MAP2K1: variants seen among roughly 807,000 people sequenced by gnomAD.
MAP2K1 encodes the protein mitogen-activated protein kinase kinase 1.
Under a neutral mutation model 46.3 loss-of-function variants are expected in MAP2K1, and 16 were observed. That is an observed-to-expected ratio of 0.35 (90% confidence interval 0.23 to 0.52). MAP2K1 has a LOEUF of 0.52. MAP2K1 is among the 20% of genes least tolerant of loss of function. MAP2K1 has a pLI of 0.94. For synonymous variants in MAP2K1, 183 were observed against 185.6 expected (o/e 0.99, Z 0.11); for missense variants, 263 against 497.1 (o/e 0.53, Z 4.48).
intron 5 of MAP2K1, among the ~76,000 whole-genome samples, chr15:66,475,341 C>A (rs1892730600): frequency 6.6e-6 from 1 of 152,144 alleles, no homozygotes; most frequent in Admixed American, 6.6e-5. Context: ...AAAAAATCTT[C>A]ATTTGCCTTT....
intron 3 of MAP2K1, among the ~76,000 whole-genome samples, chr15:66,439,166 C>A (rs908713938): frequency 6.6e-6 from 1 of 152,198 alleles, no homozygotes; most frequent in Non-Finnish European, 1.5e-5. Flanking sequence ...GCTGCTGCTT[C>A]CCTTGGACCT....
At chr15:66,476,791 G>C (rs941374876) in intron 5 of MAP2K1, among the ~76,000 whole-genome samples, 7 of 152,196 alleles carry the variant, frequency 4.6e-5, no homozygotes, top group Admixed American at 1.3e-4. Context: ...GCTGGAGACA[G>C]GAACAGTGTG....
At chr15:66,426,506 A>G (rs1014012893) in intron 1 of MAP2K1, among the ~76,000 whole-genome samples, 3 of 152,210 alleles carry the variant, frequency 2.0e-5, no homozygotes, top group African/African-American at 4.8e-5. Context: ...TCAGTAGAGT[A>G]GGCACTGGCA....
intron 1 of MAP2K1, among the ~76,000 whole-genome samples, chr15:66,425,264 CT>C (rs1273630944): frequency 6.6e-6 from 1 of 152,204 alleles, no homozygotes; most frequent in Non-Finnish European, 1.5e-5. Context: ...TAGACTTTTG[CT>C]TTCTGTTGGT....
At chr15:66,453,892 A>T (rs528312193) in intron 5 of MAP2K1, among the ~76,000 whole-genome samples, 1 of 152,216 alleles carries the variant, frequency 6.6e-6, no homozygotes, top group South Asian at 2.1e-4. Flanking sequence ...TTGGCCTCCT[A>T]GGCTAAAGCG....
At chr15:66,473,226 C>T (rs1013195339) in intron 5 of MAP2K1, among the ~76,000 whole-genome samples, 2 of 152,186 alleles carry the variant, frequency 1.3e-5, no homozygotes, top group Non-Finnish European at 2.9e-5. Context: ...CCAGCCTCAA[C>T]TTCCATATCT....
chr15:66,467,329 A>G (rs1424215910), intron 5 of MAP2K1, among the ~76,000 whole-genome samples: 1 of 152,170 alleles, frequency 6.6e-6, no homozygotes, highest in Non-Finnish European at 1.5e-5. Flanking sequence ...TCTAATCTCC[A>G]AGCTGTCCTT....
chr15:66,429,149 C>T (rs1298062872), intron 1 of MAP2K1, among the ~76,000 whole-genome samples: 1 of 152,034 alleles, frequency 6.6e-6, no homozygotes, highest in Non-Finnish European at 1.5e-5. Context: ...AAGAACTGCA[C>T]AAGACTGGGT....
At chr15:66,483,262 A>G (rs1299928087) in intron 6 of MAP2K1, among the ~76,000 whole-genome samples, 1 of 152,124 alleles carries the variant, frequency 6.6e-6, no homozygotes, top group Non-Finnish European at 1.5e-5. Flanking sequence ...GACTCCAGCC[A>G]CTGTCAACAT....
In MAP2K1 at chr15:66,490,792, CTTA is replaced by C. The variant is rs916689128; in HGVS notation, c.*181_*183del. 1.0e-5 allele frequency: 7 copies of C among 689,786 alleles called. No individual in the cohort carries two copies. The African/African-American group carries it at 1.2e-4, about 12-fold the overall frequency. The allele number at this position is 689,786 out of a possible 1,614,324, so 42.7% of individuals were successfully genotyped here. A position where few individuals can be genotyped will look rare whatever the true frequency, so the allele number is the denominator to read the frequency against. ...CATTTTTAATATTACTGTCTTTATT[CTTA>C]TTACTATTATTGTTCCCCTAAGTGG... On this transcript the variant is annotated 3_prime_UTR_variant, in exon 11 of 11. Coordinates refer to ENST00000307102, the MANE Select transcript of MAP2K1 (RefSeq NM_002755.4).
intron 1 of MAP2K1, among the ~76,000 whole-genome samples, chr15:66,405,603 G>A (rs80354479): frequency 0.012 from 1,893 of 152,276 alleles, 27 homozygotes; most frequent in South Asian, 0.042. Context: ...CTGGTTGCCT[G>A]TTAGATTTTC....
intron 9 of MAP2K1, 165 bp downstream of exon 9, chr15:66,489,441 G>A: frequency 1.4e-6 from 1 of 723,762 alleles, no homozygotes; most frequent in Non-Finnish European, 2.5e-6. Context: ...AGAGTGCCAA[G>A]ACTTATGTGG....
At chr15:66,490,395 A>G in intron 10 of MAP2K1, 107 bp from the exon 11 acceptor site, 1 of 858,974 alleles carries the variant, frequency 1.2e-6, no homozygotes, top group Non-Finnish European at 2.0e-6. Context: ...TGCTCTTTCC[A>G]AGTGCAGCAC....
rs939271011 is a variant in MAP2K1 at position 66,387,097 on chromosome 15, C to G, written c.-251C>G. Reference sequence around the variant, plus strand: ...GCCGAACCGCACGTTCAGCCCGCTCCGCTCCTGCAGGGCAGCCTTTCGGCT... The same window carrying G: ...GCCGAACCGCACGTTCAGCCCGCTCGGCTCCTGCAGGGCAGCCTTTCGGCT... On this transcript the variant is annotated 5_prime_UTR_variant, in exon 1 of 11. Coordinates refer to ENST00000307102, the MANE Select transcript of MAP2K1 (RefSeq NM_002755.4). 4.8e-6 allele frequency: 2 copies of G among 418,566 alleles called. No homozygotes were observed. Among genetic ancestry groups the G allele is most frequent in the Admixed American group, 9.1e-5 (2 of 21,860 alleles). 25.9% of individuals were successfully genotyped at this position (418,566 alleles called of 1,614,324 possible).
chr15:66,399,053 G>A (rs749715618), intron 1 of MAP2K1, among the ~76,000 whole-genome samples: 16 of 152,196 alleles, frequency 1.1e-4, no homozygotes, highest in Non-Finnish European at 1.9e-4. Context: ...GATTACAGGC[G>A]TGAGCCACCG....
At position 66,459,833 on chromosome 15, in the gene MAP2K1, CTGTT is replaced by C. The variant is rs559104206; in HGVS notation, c.568+15130_568+15133del. Among the ~76,000 whole-genome samples the C allele has an allele frequency of 4.5e-3, 682 of 152,170 alleles. 8 individuals are homozygous for C. Among genetic ancestry groups the C allele is most frequent in the African/African-American group, 0.016 (653 of 41,520 alleles). On this transcript the variant is annotated intron_variant, in intron 5 of 10. Coordinates refer to ENST00000307102, the MANE Select transcript of MAP2K1 (RefSeq NM_002755.4). ...TGGTTTTGTTTTGTTGTTTTATAAGCTGTTTGTAGCAGACTCACACGTAATGATT... is the reference window on the plus strand; with the variant it reads ...TGGTTTTGTTTTGTTGTTTTATAAGCTGTAGCAGACTCACACGTAATGATT...
In MAP2K1 at chr15:66,399,796, C is replaced by G. The variant is rs558791360; in HGVS notation, c.80+12369C>G. Among the ~76,000 whole-genome samples, 27 of 152,272 alleles carry G rather than the reference C, an allele frequency of 1.8e-4. No individual in the cohort carries two copies. The East Asian group carries it at 5.0e-3, about 28-fold the overall frequency. ...ATTTTTAGTAGAGATGGGGTTTCAC[C>G]TTGTTGGCCAGGCTGGTCTGGAACT... is the stretch of plus-strand genomic sequence containing the variant. On this transcript the variant is annotated intron_variant, in intron 1 of 10. Coordinates refer to ENST00000307102, the MANE Select transcript of MAP2K1 (RefSeq NM_002755.4).
At position 66,420,817 on chromosome 15, in the gene MAP2K1, GTATA is replaced by G. The variant is rs1221728903; in HGVS notation, c.81-14202_81-14199del. 1.5e-4 allele frequency among the ~76,000 whole-genome samples: 14 copies of G among 94,694 alleles called. 4 individuals carry two copies. Among genetic ancestry groups the G allele is most frequent in the Non-Finnish European group, 2.6e-4 (11 of 42,976 alleles). 62.1% of individuals were successfully genotyped at this position (94,694 alleles called of 152,430 possible). A position where few individuals can be genotyped will look rare whatever the true frequency, so the allele number is the denominator to read the frequency against. On this transcript the variant is annotated intron_variant, in intron 1 of 10. Coordinates refer to ENST00000307102, the MANE Select transcript of MAP2K1 (RefSeq NM_002755.4). ...TGTATATATATGTGTATATATATGT[GTATA>G]TATATATGTGTATATATATGTGTGT...
At chr15:66,401,679 A>G (rs771943500) in intron 1 of MAP2K1, among the ~76,000 whole-genome samples, 1 of 152,186 alleles carries the variant, frequency 6.6e-6, no homozygotes, top group Non-Finnish European at 1.5e-5. Flanking sequence ...CAGAAAAGCT[A>G]CAAAGCAAGC....
Sources: allele counts gnomAD v4.1 joint callset (sites outside exome capture counted in the v4.1 genomes callset), GRCh38; gene constraint gnomAD v4.1.1; transcripts MANE v1.5; gene names NCBI Gene and HGNC (gene_info 2026-07-23, HGNC 2026-07-21).